ZNF280D: variants seen among roughly 807,000 people sequenced by gnomAD.
ZNF280D encodes the protein suppressor of hairy wing homolog 4.
A neutral mutation model predicts 94.7 loss-of-function variants in ZNF280D; 39 were observed. The observed-to-expected ratio is 0.41, with a 90% CI of 0.32 to 0.54. The LOEUF (loss-of-function observed/expected upper bound fraction) is 0.54, where lower values mean the gene tolerates loss of function less well. Ranked by LOEUF, ZNF280D falls within the 20% of genes least tolerant of loss-of-function variation. ZNF280D has a pLI of 0.22. For synonymous variants in ZNF280D, 398 were observed against 377.6 expected (o/e 1.05, Z -0.63); for missense variants, 1,090 against 1,149.3 (o/e 0.95, Z 0.75).
chr15:56,727,779 G>A (rs61388941), intron 1 of ZNF280D, among the ~76,000 whole-genome samples: 4,819 of 152,290 alleles, frequency 0.032, 247 homozygotes, highest in African/African-American at 0.11. Flanking sequence ...AATGATGGTA[G>A]TGAAAATGAC....
chr15:56,654,452 G>A lies in ZNF280D; in HGVS notation c.2109C>T (p.Gly703=). 1 of 1,610,278 alleles carries A rather than the reference G, an allele frequency of 6.2e-7. No individual in the cohort carries two copies. The highest frequency in any genetic ancestry group is 8.5e-7 in the Non-Finnish European group (1 of 1,178,926). ...TTAAGTGTGTAGCCATATTATCTAA[G>A]CCAGAAACATCACTTAGGAAATCAC... The part of the protein sequence containing the change: ...LNCDFLSDVS[G]LDNMATHLSQ... Residue 703 remains glycine, a synonymous_variant, in exon 18 of 22, where the codon GGC becomes GGT. Coordinates refer to ENST00000267807, the MANE Select transcript of ZNF280D (RefSeq NM_017661.4).
chr15:56,703,264 T>C (rs904062287), intron 4 of ZNF280D, among the ~76,000 whole-genome samples: 2 of 152,218 alleles, frequency 1.3e-5, no homozygotes, highest in African/African-American at 4.8e-5. Flanking sequence ...CCAAGTACAG[T>C]GGCTGTAGAC....
intron 18 of ZNF280D, 66 bp from the exon 19 acceptor site, chr15:56,654,300 T>C (rs553918021): frequency 7.1e-5 from 114 of 1,596,974 alleles, no homozygotes; most frequent in Admixed American, 2.7e-4. Flanking sequence ...AGAATAATGA[T>C]TTAGTAAAGA....
intron 19 of ZNF280D, among the ~76,000 whole-genome samples, chr15:56,651,791 TC>T: frequency 1.3e-5 from 2 of 152,058 alleles, no homozygotes. Context: ...TTATTGTTTT[TC>T]CCCCCAAATA....
At chr15:56,710,753 T>C (rs1185257417) in intron 1 of ZNF280D, among the ~76,000 whole-genome samples, 1 of 152,192 alleles carries the variant, frequency 6.6e-6, no homozygotes, top group Non-Finnish European at 1.5e-5. Context: ...TCACCCGATG[T>C]ACTGCTGCCG....
chr15:56,688,574 T>C (rs1184241601), intron 9 of ZNF280D, among the ~76,000 whole-genome samples: 11 of 151,752 alleles, frequency 7.2e-5, no homozygotes, highest in Admixed American at 2.6e-4. Context: ...AATTATTTCA[T>C]ATGAAATGCT....
At position 56,659,095 on chromosome 15, in the gene ZNF280D, C is replaced by A. The variant is rs1596379792; in HGVS notation, c.1995-609G>T. Among the ~76,000 whole-genome samples, 3 of 143,234 alleles carry A rather than the reference C, an allele frequency of 2.1e-5. No homozygotes were observed. The South Asian group carries it at 6.6e-4, about 32-fold the overall frequency. 94.0% of individuals were successfully genotyped at this position (143,234 alleles called of 152,430 possible). ...AATCAAACTCCTGGGCTCAAGTGAT[C>A]TTTCTGCCTCAGTCTCCTGGGTAGC... On this transcript the variant is annotated intron_variant, in intron 16 of 21. Coordinates refer to ENST00000267807, the MANE Select transcript of ZNF280D (RefSeq NM_017661.4).
At chr15:56,657,392 G>T (rs1281076105) in intron 17 of ZNF280D, among the ~76,000 whole-genome samples, 1 of 152,062 alleles carries the variant, frequency 6.6e-6, no homozygotes, top group Non-Finnish European at 1.5e-5. Context: ...CTAAAAAAGT[G>T]TTCATTCCTT....
At chr15:56,689,217 A>G in intron 8 of ZNF280D, 67 bp from the exon 9 acceptor site, 1 of 1,550,524 alleles carries the variant, frequency 6.4e-7, no homozygotes, top group East Asian at 2.3e-5. Flanking sequence ...AACCACTAAT[A>G]ATACTTTTAA....
chr15:56,660,427 T>C (rs1276633835), intron 16 of ZNF280D, among the ~76,000 whole-genome samples: 5 of 152,078 alleles, frequency 3.3e-5, no homozygotes, highest in Admixed American at 1.3e-4. Flanking sequence ...GTTACCTGAA[T>C]TGTTTTAGAG....
intron 1 of ZNF280D, among the ~76,000 whole-genome samples, chr15:56,710,647 T>C (rs1274325049): frequency 6.6e-6 from 1 of 151,698 alleles, no homozygotes; most frequent in Non-Finnish European, 1.5e-5. Context: ...TTAAACTGTA[T>C]CTTATTTTTT....
rs369269471 is a variant in ZNF280D, at chr15:56,707,125, A to C, written c.-16T>G. The C allele has an allele frequency of 1.6e-4, 265 of 1,613,888 alleles. 3 individuals carry two copies. The highest frequency in any genetic ancestry group is 1.3e-3 in the South Asian group (115 of 91,074). ...TGTCGCCCATCAAGCTGCAGAGATG[A>C]CTTTCTGTAAATTGTCACCTAAGTA... On this transcript the variant is annotated 5_prime_UTR_variant, in exon 3 of 22. Coordinates refer to ENST00000267807, the MANE Select transcript of ZNF280D (RefSeq NM_017661.4).
At chr15:56,732,312 G>C (rs916353625) in intron 1 of ZNF280D, among the ~76,000 whole-genome samples, 1 of 152,112 alleles carries the variant, frequency 6.6e-6, no homozygotes, top group Non-Finnish European at 1.5e-5. Context: ...TCAATGAAAG[G>C]CACAAAAGCA....
chr15:56,706,936 C>T (rs2057439167), intron 3 of ZNF280D, 146 bp downstream of exon 3: 10 of 697,520 alleles, frequency 1.4e-5, no homozygotes, highest in Non-Finnish European at 2.4e-5. Flanking sequence ...ATTTATATTA[C>T]TTGTTTTTAT....
chr15:56,642,906 T>C, intron 20 of ZNF280D, 46 bp downstream of exon 20: 1 of 1,365,860 alleles, frequency 7.3e-7, no homozygotes, highest in African/African-American at 1.5e-5. Flanking sequence ...CCAATAATAC[T>C]TTCAAATGTA....
At chr15:56,727,658 C>T (rs74015901) in intron 1 of ZNF280D, among the ~76,000 whole-genome samples, 11,560 of 152,116 alleles carry the variant, frequency 0.076, 820 homozygotes, top group Admixed American at 0.17. Context: ...ACTCAGACTT[C>T]ATTTTCTGCC....
intron 13 of ZNF280D, among the ~76,000 whole-genome samples, chr15:56,669,936 T>TATATTATATATATTA (rs1271370275): frequency 2.5e-4 from 1 of 3,928 alleles, no homozygotes; most frequent in African/African-American, 1.1e-3. Flanking sequence ...TATATATATA[T>TATATTATATATATTA]TATATATATA....
rs1596359387 is a variant in ZNF280D, at chr15:56,653,329, G to A, written c.2213+869C>T. 4.0e-6 allele frequency: 5 copies of A among 1,254,334 alleles called. No individual in the cohort carries two copies. The East Asian group carries it at 1.6e-4, about 40-fold the overall frequency. 77.7% of individuals were successfully genotyped at this position (1,254,334 alleles called of 1,614,324 possible). On this transcript the variant is annotated intron_variant, in intron 19 of 21. Coordinates refer to ENST00000267807, the MANE Select transcript of ZNF280D (RefSeq NM_017661.4). The stretch of plus-strand genomic sequence containing the variant: ...CTGACTCATAAGCTTAAGATCATAA[G>A]CCAAAGCCCCCAGTGGGAAGTATGC...
intron 1 of ZNF280D, among the ~76,000 whole-genome samples, 187 bp downstream of exon 1, chr15:56,733,271 G>A (rs1346304457): frequency 1.3e-5 from 2 of 152,054 alleles, no homozygotes; most frequent in East Asian, 3.9e-4. Context: ...CGCCTGGGCC[G>A]ACGCAAGATG....
Sources: gnomAD v4.1 joint callset for allele counts (sites outside exome capture counted in the v4.1 genomes callset) on GRCh38, gnomAD v4.1.1 for gene constraint, MANE v1.5 for transcripts, NCBI Gene and HGNC (gene_info 2026-07-23, HGNC 2026-07-21) for gene names.